CHRNA9: variants seen among roughly 807,000 people sequenced by gnomAD.
CHRNA9 encodes cholinergic receptor nicotinic alpha 9 subunit.
CHRNA9 carries 24 observed loss-of-function variants against 36.8 expected under a neutral mutation model. The observed-to-expected ratio is 0.65, with a 90% CI of 0.47 to 0.92. The LOEUF (loss-of-function observed/expected upper bound fraction) is 0.92. Among genes scored for constraint, CHRNA9 ranks in the 40% least tolerant of loss-of-function variants. CHRNA9 has a pLI of 0.00. For synonymous variants in CHRNA9, 231 were observed against 231.8 expected, an observed-to-expected ratio of 1.00 and a Z score of 0.03; for missense variants, 610 against 601.2, an observed-to-expected ratio of 1.01 and a Z score of -0.15.
Position 40,348,907 on chromosome 4 carries a change from G to A in CHRNA9, c.391G>A (p.Val131Met), listed in dbSNP as rs1452069873. ...GGCTGATGATGAATCTTCAGAGCCT[G>A]TGAACACCAATGTGGTCCTGCGGTA... ...NKADDESSEP[V>M]NTNVVLRYDG... Residue 131 changes from valine to methionine, a missense_variant, in exon 4 of 5, where the codon GTG becomes ATG. Coordinates refer to ENST00000310169, the MANE Select transcript of CHRNA9 (RefSeq NM_017581.4). 2 of 1,613,426 alleles carry A rather than the reference G, an allele frequency of 1.2e-6. No individual in the cohort carries two copies. Among genetic ancestry groups the A allele is most frequent in the East Asian group, 2.2e-5 (1 of 44,866 alleles).
At position 40,335,452 on chromosome 4, in the gene CHRNA9, G is replaced by A. The variant is rs780659220; in HGVS notation, c.-16G>A. 5 of 1,602,572 alleles carry A rather than the reference G, an allele frequency of 3.1e-6. No homozygotes were observed. The highest frequency in any genetic ancestry group is 4.3e-6 in the Non-Finnish European group (5 of 1,169,496). On this transcript the variant is annotated 5_prime_UTR_variant, in exon 1 of 5. Coordinates refer to ENST00000310169, the MANE Select transcript of CHRNA9 (RefSeq NM_017581.4). Reference sequence around the variant, plus strand: ...GCTGCCTGACTGAGACTTTATTATAGAGGCTCAGGAAAAAGATGAACTGGT... The same window carrying A: ...GCTGCCTGACTGAGACTTTATTATAAAGGCTCAGGAAAAAGATGAACTGGT...
chr4:40,353,683 A>C (rs1387404961), intron 4 of CHRNA9, among the ~76,000 whole-genome samples: 1 of 152,026 alleles, frequency 6.6e-6, no homozygotes, highest in Non-Finnish European at 1.5e-5. Flanking sequence ...CTATGTTTAG[A>C]TACACAAATA....
chr4:40,353,848 T>C, intron 4 of CHRNA9, 131 bp from the exon 5 acceptor site: 3 of 806,316 alleles, frequency 3.7e-6, no homozygotes, highest in Non-Finnish European at 5.9e-6. Context: ...ACTCTTATGA[T>C]GTTCACACAA....
intron 3 of CHRNA9, among the ~76,000 whole-genome samples, chr4:40,346,442 C>G (rs1712639791): frequency 6.6e-6 from 1 of 152,214 alleles, no homozygotes; most frequent in African/African-American, 2.4e-5. Flanking sequence ...CTATTTCCTA[C>G]AGGGATCATG....
intron 3 of CHRNA9, chr4:40,347,855 A>T (rs1050393735): frequency 2.0e-5 from 3 of 152,256 alleles, no homozygotes; most frequent in Non-Finnish European, 4.4e-5. Flanking sequence ...TGTAAGGAAG[A>T]CTTCAAAAAT....
intron 4 of CHRNA9, chr4:40,349,971 T>C (rs531267859): frequency 1.6e-4 from 25 of 155,304 alleles, no homozygotes; most frequent in Non-Finnish European, 2.4e-4. Context: ...TGCTTCATCA[T>C]CTGGAAAATT....
Position 40,354,103 on chromosome 4 carries a change from C to A in CHRNA9, c.1023C>A (p.Ile341=). ...TGCCACACTGGGCCAGGGTGGTCAT[C>A]CTGAAATACATGTCCAGGGTCTTGT... is the stretch of plus-strand genomic sequence containing the variant. ...RPVPHWARVV[I]LKYMSRVLFV... The change falls in exon 5 of 5, where the codon ATC becomes ATA. Residue 341 remains isoleucine (I), a synonymous_variant. Transcript: ENST00000310169. 2.5e-6 allele frequency: 4 copies of A among 1,614,220 alleles called. No homozygotes were observed. The South Asian group carries it at 4.4e-5, about 18-fold the overall frequency.
intron 3 of CHRNA9, among the ~76,000 whole-genome samples, chr4:40,339,505 A>G (rs1358887813): frequency 6.6e-6 from 1 of 151,210 alleles, no homozygotes; most frequent in Non-Finnish European, 1.5e-5. Flanking sequence ...ACATGGTGAA[A>G]CCCCGTCTCT....
Position 40,354,435 on chromosome 4 carries a change from C to A in CHRNA9, c.1355C>A (p.Ala452Glu), listed in dbSNP as rs139982841. 6.2e-7 allele frequency: 1 copy of A among 1,613,960 alleles called. No homozygotes were observed. Among genetic ancestry groups the A allele is most frequent in the East Asian group, 2.2e-5 (1 of 44,884 alleles). The change falls in exon 5 of 5, where the codon GCG (alanine) becomes GAG (glutamate). Residue 452 changes from alanine (A) to glutamate (E), a missense_variant. Transcript: ENST00000310169. Reference sequence around the variant, plus strand: ...AAGGGGAGTGAATGGAAGAAGGTGGCGAAAGTCATAGACCGATTCTTCATG... The same window carrying A: ...AAGGGGAGTGAATGGAAGAAGGTGGAGAAAGTCATAGACCGATTCTTCATG... ...NSKGSEWKKV[A>E]KVIDRFFMWI...
rs774774039 is a variant in CHRNA9 at position 40,337,234 on chromosome 4, G to C, written c.235G>C (p.Ala79Pro). 6.2e-7 allele frequency: 1 copy of C among 1,614,208 alleles called. No homozygotes were observed. The highest frequency in any genetic ancestry group is 1.7e-5 in the Admixed American group (1 of 60,028). The change falls in exon 3 of 5, where the codon GCT (alanine) becomes CCT (proline). Residue 79 changes from alanine (A) to proline (P), a missense_variant. Ala to Pro is a conservative substitution (Grantham distance 27). Transcript: ENST00000310169. ...GGATGAAAGAAACCAAATTCTGACT[G>C]CTTATTTGTGGATCCGCCAAATCTG... ...DMDERNQILTAYLWIRQIWHD... is the reference protein window; with the variant it reads ...DMDERNQILTPYLWIRQIWHD...
intron 2 of CHRNA9, among the ~76,000 whole-genome samples, chr4:40,336,322 C>T (rs1480464154): frequency 6.6e-6 from 1 of 152,046 alleles, no homozygotes; most frequent in African/African-American, 2.4e-5. Context: ...GGGAAAACGG[C>T]CAGTGAGTTC....
At chr4:40,351,862 G>T (rs961866716) in intron 4 of CHRNA9, among the ~76,000 whole-genome samples, 5 of 152,198 alleles carry the variant, frequency 3.3e-5, no homozygotes, top group African/African-American at 1.2e-4. Context: ...TTAAGACACT[G>T]TTGGATTCAG....
chr4:40,337,433 GAA>G (rs1304009892), intron 3 of CHRNA9, 69 bp downstream of exon 3: 2 of 1,521,254 alleles, frequency 1.3e-6, no homozygotes, highest in African/African-American at 2.8e-5. Flanking sequence ...TAAACATAAT[GAA>G]AAAGGAATGT....
At chr4:40,337,676 T>C (rs1040243241) in intron 3 of CHRNA9, among the ~76,000 whole-genome samples, 2 of 152,192 alleles carry the variant, frequency 1.3e-5, no homozygotes, top group Non-Finnish European at 2.9e-5. Flanking sequence ...AAAAATGTGT[T>C]ATCTCACAGT....
chr4:40,348,884 C>A lies in CHRNA9; in HGVS notation c.368C>A (p.Ala123Asp). 6.2e-7 allele frequency: 1 copy of A among 1,610,772 alleles called. No homozygotes were observed. Among genetic ancestry groups the A allele is most frequent in the South Asian group, 1.1e-5 (1 of 91,044 alleles). Residue 123 changes from alanine to aspartate, a missense_variant and splice_region_variant, in exon 4 of 5, where the codon GCT (alanine) becomes GAT (aspartate). By Grantham distance (126) the Ala-to-Asp change is moderately radical (BLOSUM62 -2). Transcript: ENST00000310169. Reference sequence around the variant, plus strand: ...CATTTTCCTTATCTGACCTTCAGGGCTGATGATGAATCTTCAGAGCCTGTG... The same window carrying A: ...CATTTTCCTTATCTGACCTTCAGGGATGATGATGAATCTTCAGAGCCTGTG... The part of the protein sequence containing the change: ...WRPDIVLYNK[A>D]DDESSEPVNT...
rs534679953 is a variant in CHRNA9, at chr4:40,336,731, C to T, written c.211-479C>T. Among the ~76,000 whole-genome samples, 16 of 152,252 alleles carry T rather than the reference C, an allele frequency of 1.1e-4. No homozygotes were observed. The South Asian group carries it at 1.2e-3, about 12-fold the overall frequency. On this transcript the variant is annotated intron_variant, in intron 2 of 4. Coordinates refer to ENST00000310169, the MANE Select transcript of CHRNA9 (RefSeq NM_017581.4). ...TCCTGACCTCATGATTCGCCCGCCT[C>T]GGCCTCCCAAAGTGCTGGGATTACA...
chr4:40,339,458 G>T (rs1451783717), intron 3 of CHRNA9, among the ~76,000 whole-genome samples: 1 of 150,534 alleles, frequency 6.6e-6, no homozygotes, highest in Admixed American at 6.6e-5. Flanking sequence ...CGAGGGGGGC[G>T]GATCATGAGG....
chr4:40,339,782 C>T (rs1045678948), intron 3 of CHRNA9, among the ~76,000 whole-genome samples: 1 of 151,980 alleles, frequency 6.6e-6, no homozygotes, highest in Non-Finnish European at 1.5e-5. Context: ...CCCACCTCTG[C>T]CTCCTGAGTA....
chr4:40,344,430 A>G (rs1341891445), intron 3 of CHRNA9, among the ~76,000 whole-genome samples: 5 of 152,080 alleles, frequency 3.3e-5, no homozygotes, highest in Admixed American at 3.3e-4. Flanking sequence ...GCTACTCGGG[A>G]GGCTGAAGCA....
Sources: allele counts gnomAD v4.1 joint callset (sites outside exome capture counted in the v4.1 genomes callset), GRCh38; gene constraint gnomAD v4.1.1; transcripts MANE v1.5; gene names NCBI Gene and HGNC (gene_info 2026-07-23, HGNC 2026-07-21).